The following NRG3 variants were observed in gnomAD, a reference collection of about 807,000 sequenced individuals.
NRG3 encodes the protein pro-neuregulin-3, membrane-bound isoform.
In NRG3, 31 loss-of-function variants were observed where a neutral mutation model predicts 66.9. The ratio of observed to expected loss-of-function variants is 0.46; its 90% CI spans 0.35 to 0.63. The LOEUF (loss-of-function observed/expected upper bound fraction) is 0.63. NRG3 is among the 20% of genes least tolerant of loss of function. The pLI, the probability that NRG3 is intolerant of heterozygous loss-of-function variation, is 0.00. For synonymous variants in NRG3, 393 were observed against 359.4 expected (o/e 1.09, Z -1.06); for missense variants, 910 against 878.9 (o/e 1.04, Z -0.45).
chr10:82,583,747 G>C (rs2046502392), intron 2 of NRG3, among the ~76,000 whole-genome samples: 2 of 152,122 alleles, frequency 1.3e-5, no homozygotes. Flanking sequence ...ACTCGGTTGA[G>C]TGCTCTGCCA....
At chr10:82,520,518 G>T (rs374716159) in intron 2 of NRG3, among the ~76,000 whole-genome samples, 6 of 152,040 alleles carry the variant, frequency 3.9e-5, no homozygotes, top group African/African-American at 1.4e-4. Context: ...ATCTCAACCA[G>T]CTTCTCTCAT....
At chr10:82,022,571 C>T (rs987047946) in intron 1 of NRG3, among the ~76,000 whole-genome samples, 4 of 152,092 alleles carry the variant, frequency 2.6e-5, no homozygotes, top group Admixed American at 1.3e-4. Context: ...TATTGGTGTA[C>T]TTCTCTACAG....
intron 2 of NRG3, among the ~76,000 whole-genome samples, chr10:82,707,803 G>A (rs2056404766): frequency 7.4e-6 from 1 of 134,752 alleles, no homozygotes; most frequent in Admixed American, 7.9e-5. Flanking sequence ...GTGGTCAGGA[G>A]TTTGAGACAA....
chr10:82,770,400 G>A (rs896509458), intron 3 of NRG3, among the ~76,000 whole-genome samples: 13 of 152,038 alleles, frequency 8.6e-5, no homozygotes, highest in Admixed American at 7.2e-4. Context: ...ACAAAGTCAC[G>A]TTCTTACTCA....
At chr10:82,821,979 A>G (rs956449802) in intron 3 of NRG3, among the ~76,000 whole-genome samples, 3 of 152,158 alleles carry the variant, frequency 2.0e-5, no homozygotes, top group Non-Finnish European at 4.4e-5. Flanking sequence ...CTGGGCTTGC[A>G]AAAGGCAGAA....
At chr10:82,165,999 A>G (rs1160928517) in intron 1 of NRG3, among the ~76,000 whole-genome samples, 1 of 150,890 alleles carries the variant, frequency 6.6e-6, no homozygotes, top group Non-Finnish European at 1.5e-5. Flanking sequence ...AGATTAATTG[A>G]ATTTTTTATT....
chr10:82,559,029 G>A (rs2044849522), intron 2 of NRG3, among the ~76,000 whole-genome samples: 1 of 152,058 alleles, frequency 6.6e-6, no homozygotes, highest in South Asian at 2.1e-4. Flanking sequence ...ATAATTTGTT[G>A]AACATACTTG....
intron 2 of NRG3, among the ~76,000 whole-genome samples, chr10:82,727,056 G>A (rs2057642976): frequency 6.6e-6 from 1 of 152,162 alleles, no homozygotes; most frequent in South Asian, 2.1e-4. Context: ...AAATTTCCAA[G>A]CAGCAAAGCA....
chr10:82,504,985 G>C (rs1415924427), intron 2 of NRG3, among the ~76,000 whole-genome samples: 2 of 152,142 alleles, frequency 1.3e-5, no homozygotes, highest in Admixed American at 6.5e-5. Context: ...AAAATTCAGT[G>C]AAGTACAGAC....
chr10:82,335,861 A>C (rs892528747), intron 1 of NRG3, among the ~76,000 whole-genome samples: 1 of 152,198 alleles, frequency 6.6e-6, no homozygotes, highest in African/African-American at 2.4e-5. Flanking sequence ...CTAGTAATTC[A>C]AATATATAAT....
chr10:82,905,537 CAT>C (rs2131919225), intron 4 of NRG3, among the ~76,000 whole-genome samples: 1 of 152,224 alleles, frequency 6.6e-6, no homozygotes, highest in South Asian at 2.1e-4. Context: ...TATTTTGTTA[CAT>C]GTTTTTACTG....
intron 3 of NRG3, among the ~76,000 whole-genome samples, chr10:82,739,029 C>A (rs564001199): frequency 6.6e-6 from 1 of 152,194 alleles, no homozygotes. Flanking sequence ...CCGCTTCTTA[C>A]GCTTTGGTTG....
At chr10:82,514,064 T>G (rs907937074) in intron 2 of NRG3, among the ~76,000 whole-genome samples, 4 of 152,200 alleles carry the variant, frequency 2.6e-5, no homozygotes, top group Non-Finnish European at 5.9e-5. Flanking sequence ...TTTGTTTAAG[T>G]TCCTTGTAGA....
At chr10:81,893,551 TC>T (rs1199373257) in intron 1 of NRG3, among the ~76,000 whole-genome samples, 1 of 152,180 alleles carries the variant, frequency 6.6e-6, no homozygotes, top group African/African-American at 2.4e-5. Context: ...TTGATTAGTG[TC>T]AAAATGCTGA....
chr10:81,963,376 G>A (rs376557241), intron 1 of NRG3, among the ~76,000 whole-genome samples: 4 of 151,226 alleles, frequency 2.6e-5, no homozygotes, highest in East Asian at 3.9e-4. Flanking sequence ...CTCGTGATCC[G>A]CCCGCCTCGG....
chr10:82,962,481 G>A (rs147090983), intron 6 of NRG3, among the ~76,000 whole-genome samples: 35 of 152,238 alleles, frequency 2.3e-4, no homozygotes, highest in African/African-American at 7.9e-4. Flanking sequence ...GTTTATGGGG[G>A]AGGTAACATT....
intron 1 of NRG3, among the ~76,000 whole-genome samples, chr10:82,075,915 A>G (rs144445841): frequency 1.3e-5 from 2 of 151,520 alleles, no homozygotes; most frequent in Non-Finnish European, 2.9e-5. Flanking sequence ...AAATTTCTGA[A>G]AATCATAATG....
intron 1 of NRG3, among the ~76,000 whole-genome samples, chr10:82,003,875 G>A (rs2061269510): frequency 6.6e-6 from 1 of 151,876 alleles, no homozygotes; most frequent in African/African-American, 2.4e-5. Context: ...CCTTAGAGCT[G>A]GGTGTGTTGG....
At chr10:82,909,598 T>C (rs537568029) in intron 4 of NRG3, among the ~76,000 whole-genome samples, 42 of 152,242 alleles carry the variant, frequency 2.8e-4, no homozygotes, top group Middle Eastern at 3.4e-3. Flanking sequence ...ACAATGGTAA[T>C]AAAATGACAC....
Sources: allele counts gnomAD v4.1 joint callset (sites outside exome capture counted in the v4.1 genomes callset), GRCh38; gene constraint gnomAD v4.1.1; transcripts MANE v1.5; gene names NCBI Gene and HGNC (gene_info 2026-07-23, HGNC 2026-07-21).